The following GRM1 variants were observed in gnomAD, a reference collection of about 807,000 sequenced individuals.
The protein encoded by GRM1 is glutamate metabotropic receptor 1.
Under a neutral mutation model 90.9 loss-of-function variants are expected in GRM1, and 33 were observed. The ratio of observed to expected loss-of-function variants is 0.36; its 90% CI spans 0.28 to 0.49. The LOEUF (loss-of-function observed/expected upper bound fraction) is 0.49, where lower values mean the gene tolerates loss of function less well. Ranked by LOEUF, GRM1 falls within the 20% of genes least tolerant of loss-of-function variation. GRM1 has a pLI of 0.99. For missense variants in GRM1, 1,190 were observed against 1,534.3 expected (o/e 0.78, Z 3.75); for synonymous variants, 700 against 613.2 (o/e 1.14, Z -2.09).
intron 2 of GRM1, among the ~76,000 whole-genome samples, chr6:146,213,526 A>G (rs1779751197): frequency 2.0e-5 from 3 of 152,172 alleles, no homozygotes; most frequent in African/African-American, 4.8e-5. Flanking sequence ...TATTGTACAT[A>G]TATTCCCACT....
rs143349149 is a variant in GRM1 at position 146,246,427 on chromosome 6, G to C, written c.951-58184G>C. ...CTGATGGCTCTTTGTAATAGCTTTGGAAGGTACAGCTAATGATCTGTAGGA... is the reference window on the plus strand; with the variant it reads ...CTGATGGCTCTTTGTAATAGCTTTGCAAGGTACAGCTAATGATCTGTAGGA... On this transcript the variant is annotated intron_variant, in intron 2 of 7. Coordinates refer to ENST00000282753, the MANE Select transcript of GRM1 (RefSeq NM_001278064.2). 2.4e-3 allele frequency among the ~76,000 whole-genome samples: 372 copies of C among 152,256 alleles called. 4 individuals are homozygous for C. The highest frequency in any genetic ancestry group is 8.1e-3 in the African/African-American group (338 of 41,566).
intron 6 of GRM1, among the ~76,000 whole-genome samples, chr6:146,390,679 C>G (rs1776682678): frequency 6.6e-6 from 1 of 151,708 alleles, no homozygotes; most frequent in East Asian, 1.9e-4. Flanking sequence ...ACACTAGTAT[C>G]TACTAATTTA....
intron 2 of GRM1, among the ~76,000 whole-genome samples, chr6:146,178,538 T>A (rs1461240925): frequency 2.0e-5 from 3 of 152,314 alleles, no homozygotes; most frequent in Non-Finnish European, 4.4e-5. Flanking sequence ...CATACAATAT[T>A]TTTAATAATT....
At chr6:146,207,118 G>C (rs1310547176) in intron 2 of GRM1, among the ~76,000 whole-genome samples, 1 of 152,110 alleles carries the variant, frequency 6.6e-6, no homozygotes, top group Non-Finnish European at 1.5e-5. Flanking sequence ...AAACATTCAT[G>C]TGCATGTGTC....
intron 1 of GRM1, among the ~76,000 whole-genome samples, chr6:146,157,833 A>C (rs1777574713): frequency 6.6e-6 from 1 of 152,156 alleles, no homozygotes. Context: ...TTGTAGTGGG[A>C]GGCAAAGCTA....
At chr6:146,158,010 C>T (rs1030883879) in intron 1 of GRM1, among the ~76,000 whole-genome samples, 3 of 151,874 alleles carry the variant, frequency 2.0e-5, no homozygotes, top group African/African-American at 7.3e-5. Context: ...ATAATTTATT[C>T]CTTCTGTAAG....
intron 3 of GRM1, among the ~76,000 whole-genome samples, chr6:146,334,432 A>G (rs553603804): frequency 3.3e-5 from 5 of 152,330 alleles, no homozygotes; most frequent in South Asian, 4.1e-4. Flanking sequence ...TTCAAAAATC[A>G]TAAGAGGCCA....
intron 4 of GRM1, among the ~76,000 whole-genome samples, chr6:146,352,743 C>G (rs148383948): frequency 2.5e-3 from 387 of 152,320 alleles, no homozygotes; most frequent in Non-Finnish European, 4.1e-3. Flanking sequence ...CCTAACTCAC[C>G]TATCACTTGA....
At chr6:146,201,689 G>T (rs1779302831) in intron 2 of GRM1, among the ~76,000 whole-genome samples, 1 of 152,178 alleles carries the variant, frequency 6.6e-6, no homozygotes, top group Non-Finnish European at 1.5e-5. Context: ...CAAACATTCA[G>T]TCCATATCAA....
At position 146,437,261 on chromosome 6, in the gene GRM1, A is replaced by G. The variant is rs1778621614; in HGVS notation, c.*2465A>G. 6.6e-6 allele frequency: 1 copy of G among 152,262 alleles called. No homozygotes were observed. Among genetic ancestry groups the G allele is most frequent in the South Asian group, 2.1e-4 (1 of 4,830 alleles). The allele number at this position is 152,262 out of a possible 1,614,324, so 9.4% of individuals were successfully genotyped here. On this transcript the variant is annotated 3_prime_UTR_variant, in exon 8 of 8. Transcript: ENST00000282753. ...TTTAAAAAATTAGGATAGATAAGGA[A>G]ACAACTTATATTCAAGTGTAAGATG...
chr6:146,358,253 G>A (rs953451620), intron 5 of GRM1, among the ~76,000 whole-genome samples: 3 of 152,116 alleles, frequency 2.0e-5, no homozygotes, highest in Admixed American at 1.3e-4. Context: ...TGGGGCAAGT[G>A]AGTAACTATG....
intron 1 of GRM1, among the ~76,000 whole-genome samples, chr6:146,122,732 C>A (rs1341431344): frequency 3.3e-5 from 5 of 151,046 alleles, no homozygotes; most frequent in Non-Finnish European, 7.4e-5. Context: ...TTAAGAGTAA[C>A]CTCAATCATT....
In GRM1 at chr6:146,434,637, G is replaced by A. The variant is rs147521426; in HGVS notation, c.3426G>A (p.Ser1142=). ...CCAGCAAACTGACCCCGGATGATTC[G>A]CCTGCGCTGACGCCTCCGTCGCCTT... ...QAASKLTPDD[S]PALTPPSPFR... The change falls in exon 8 of 8, where the codon TCG becomes TCA. Residue 1142 remains serine, a synonymous_variant. Coordinates refer to ENST00000282753, the MANE Select transcript of GRM1 (RefSeq NM_001278064.2). The A allele has an allele frequency of 6.2e-7, 1 of 1,611,164 alleles. No homozygotes were observed. Among genetic ancestry groups the A allele is most frequent in the Non-Finnish European group, 8.5e-7 (1 of 1,180,020 alleles).
chr6:146,087,990 A>T (rs1184904668), intron 1 of GRM1, among the ~76,000 whole-genome samples: 2 of 152,186 alleles, frequency 1.3e-5, no homozygotes, highest in Non-Finnish European at 2.9e-5. Context: ...TGCTGAGTAT[A>T]TGTTTAGCTT....
rs150993040 is a variant in GRM1 at position 146,275,994 on chromosome 6, CAGAG to C, written c.951-28600_951-28597del. 5.0e-3 allele frequency among the ~76,000 whole-genome samples: 742 copies of C among 148,670 alleles called. 5 individuals are homozygous for C. Among genetic ancestry groups the C allele is most frequent in the African/African-American group, 0.017 (701 of 40,720 alleles). ...AAGAGAAGAAAGAGGAGGAGGAAGG[CAGAG>C]AGAGAGAGAGAGAGAGCACAAAGGG... On this transcript the variant is annotated intron_variant, in intron 2 of 7. Coordinates refer to ENST00000282753, the MANE Select transcript of GRM1 (RefSeq NM_001278064.2).
chr6:146,152,259 T>C (rs1405287622), intron 1 of GRM1, among the ~76,000 whole-genome samples: 16 of 152,088 alleles, frequency 1.1e-4, no homozygotes. Flanking sequence ...AAATACCTCT[T>C]ATGGATTCAC....
At chr6:146,287,659 C>A (rs576087427) in intron 2 of GRM1, among the ~76,000 whole-genome samples, 2 of 152,200 alleles carry the variant, frequency 1.3e-5, no homozygotes, top group South Asian at 4.2e-4. Context: ...ATAAATTTAG[C>A]CTCTCAGCTT....
Position 146,399,223 on chromosome 6 carries a change from A to G in GRM1, c.2184A>G (p.Glu728=). The part of the protein sequence containing the change: ...LTLVVTLIIM[E]PPMPILSYPS... ...TGGTGGTAACCCTGATCATCATGGA[A>G]CCCCCTATGCCCATTCTGTCCTACC... The change falls in exon 7 of 8, where the codon GAA becomes GAG. Residue 728 remains glutamate, a synonymous_variant. Coordinates refer to ENST00000282753, the MANE Select transcript of GRM1 (RefSeq NM_001278064.2). The surrounding 1 kb of genome is among the most constrained non-coding windows in gnomAD (Gnocchi z 5.4). The G allele has an allele frequency of 6.2e-7, 1 of 1,613,400 alleles. No individual in the cohort carries two copies. Among genetic ancestry groups the G allele is most frequent in the South Asian group, 1.1e-5 (1 of 91,036 alleles).
chr6:146,419,871 G>A (rs1055716409), intron 7 of GRM1, among the ~76,000 whole-genome samples: 1 of 152,196 alleles, frequency 6.6e-6, no homozygotes, highest in Non-Finnish European at 1.5e-5. Flanking sequence ...GACATGCTGG[G>A]ATTACAATTT....
Sources: allele counts gnomAD v4.1 joint callset (sites outside exome capture counted in the v4.1 genomes callset), GRCh38; gene constraint gnomAD v4.1.1; non-coding constraint Gnocchi (gnomAD v3.1); transcripts MANE v1.5; gene names NCBI Gene and HGNC (gene_info 2026-07-23, HGNC 2026-07-21).